GPC6: variants seen among roughly 807,000 people sequenced by gnomAD.
GPC6 encodes glypican 6.
Under a neutral mutation model 55.2 loss-of-function variants are expected in GPC6, and 14 were observed. The observed-to-expected ratio is 0.25, with a 90% confidence interval of 0.17 to 0.40. The LOEUF (loss-of-function observed/expected upper bound fraction) is 0.40. Among genes scored for constraint, GPC6 ranks in the 10% least tolerant of loss-of-function variants. The pLI is 1.00. For synonymous variants in GPC6, 278 were observed against 259.6 expected (o/e 1.07, Z -0.68); for missense variants, 641 against 708.5 (o/e 0.90, Z 1.08).
chr13:93,336,996 T>C (rs1160570299), intron 1 of GPC6, among the ~76,000 whole-genome samples: 1 of 152,210 alleles, frequency 6.6e-6, no homozygotes, highest in Non-Finnish European at 1.5e-5. Flanking sequence ...CATGTTAACT[T>C]TTATTTTAAT....
At chr13:94,149,185 A>G (rs903491489) in intron 4 of GPC6, among the ~76,000 whole-genome samples, 1 of 152,060 alleles carries the variant, frequency 6.6e-6, no homozygotes, top group Non-Finnish European at 1.5e-5. Flanking sequence ...AAATCCATGG[A>G]CAGTGTAAGT....
intron 1 of GPC6, among the ~76,000 whole-genome samples, chr13:93,374,107 T>C (rs1345172705): frequency 6.6e-6 from 1 of 152,194 alleles, no homozygotes; most frequent in Non-Finnish European, 1.5e-5. Flanking sequence ...ACATAGAGGT[T>C]CTGATTCAGT....
At chr13:93,570,952 C>T (rs778566617) in intron 2 of GPC6, among the ~76,000 whole-genome samples, 13 of 151,978 alleles carry the variant, frequency 8.6e-5, no homozygotes, top group African/African-American at 1.9e-4. Context: ...ATTGGTTTGA[C>T]GAGAGTCCTG....
intron 2 of GPC6, among the ~76,000 whole-genome samples, chr13:93,769,403 A>T (rs1008968541): frequency 3.3e-5 from 5 of 151,206 alleles, no homozygotes; most frequent in African/African-American, 1.2e-4. Context: ...TTTCAGAGAA[A>T]CACAAGCTGT....
At chr13:93,881,894 A>G (rs1875001937) in intron 3 of GPC6, among the ~76,000 whole-genome samples, 1 of 152,052 alleles carries the variant, frequency 6.6e-6, no homozygotes, top group African/African-American at 2.4e-5. Context: ...ACCCTAGGAC[A>G]CATACAATGT....
At chr13:93,231,540 T>A (rs185182269) in intron 1 of GPC6, among the ~76,000 whole-genome samples, 40 of 151,266 alleles carry the variant, frequency 2.6e-4, no homozygotes, top group African/African-American at 9.7e-4. Context: ...ATTCTCAATA[T>A]CACTTTGACT....
chr13:94,294,613 TC>T (rs1875222333), intron 5 of GPC6, among the ~76,000 whole-genome samples: 1 of 152,120 alleles, frequency 6.6e-6, no homozygotes, highest in South Asian at 2.1e-4. Context: ...ATTACAGGTT[TC>T]TTTTTCCAGC....
intron 1 of GPC6, among the ~76,000 whole-genome samples, chr13:93,505,409 T>A (rs920524825): frequency 5.3e-5 from 8 of 150,740 alleles, no homozygotes; most frequent in African/African-American, 2.0e-4. Context: ...TTAAAAACTC[T>A]CATTCTCTCT....
rs942720082 is a variant in GPC6, at chr13:94,072,326, G to A, written c.877+44432G>A. Among the ~76,000 whole-genome samples, 3 of 152,098 alleles carry A rather than the reference G, an allele frequency of 2.0e-5. No individual in the cohort carries two copies. In the East Asian group the frequency reaches 5.8e-4, roughly 29 times the overall value. On this transcript the variant is annotated intron_variant, in intron 4 of 8. Coordinates refer to ENST00000377047, the MANE Select transcript of GPC6 (RefSeq NM_005708.5). Reference sequence around the variant, plus strand: ...TACAATTTTTCCTACTCTTTGGGTGGCATGATAAAGCCCCTTGTTTTTTTG... The same window carrying A: ...TACAATTTTTCCTACTCTTTGGGTGACATGATAAAGCCCCTTGTTTTTTTG...
chr13:94,392,156 G>C (rs1880674132), intron 7 of GPC6, among the ~76,000 whole-genome samples: 2 of 151,976 alleles, frequency 1.3e-5, no homozygotes, highest in African/African-American at 4.8e-5. Context: ...AAAGATATCT[G>C]TATACTTCTC....
At chr13:94,079,364 T>A (rs1380539444) in intron 4 of GPC6, among the ~76,000 whole-genome samples, 1 of 152,058 alleles carries the variant, frequency 6.6e-6, no homozygotes, top group African/African-American at 2.4e-5. Context: ...ACAGTGATAT[T>A]TCAGAGATTT....
intron 4 of GPC6, among the ~76,000 whole-genome samples, chr13:94,136,997 G>A (rs1378150607): frequency 6.6e-6 from 1 of 152,194 alleles, no homozygotes; most frequent in Non-Finnish European, 1.5e-5. Flanking sequence ...CTCAATGACT[G>A]ATTGGATTTG....
At chr13:93,925,722 CT>C (rs1352895935) in intron 3 of GPC6, among the ~76,000 whole-genome samples, 2 of 152,188 alleles carry the variant, frequency 1.3e-5, no homozygotes, top group African/African-American at 4.8e-5. Flanking sequence ...GCTGTGAAGA[CT>C]TGTCTTTACT....
At chr13:93,877,594 T>C (rs1874665605) in intron 3 of GPC6, among the ~76,000 whole-genome samples, 1 of 152,100 alleles carries the variant, frequency 6.6e-6, no homozygotes, top group South Asian at 2.1e-4. Context: ...GATAGACTTG[T>C]CAATCCCTAA....
intron 4 of GPC6, among the ~76,000 whole-genome samples, chr13:94,095,251 A>G (rs1885618933): frequency 1.3e-5 from 2 of 152,134 alleles, no homozygotes; most frequent in South Asian, 2.1e-4. Flanking sequence ...TATAAAAAAG[A>G]GTAGTAGGAA....
intron 2 of GPC6, among the ~76,000 whole-genome samples, chr13:93,611,268 T>A (rs1418803987): frequency 2.0e-5 from 3 of 152,154 alleles, no homozygotes; most frequent in Non-Finnish European, 4.4e-5. Flanking sequence ...TATTGGAGAT[T>A]GTGGCATGTG....
intron 2 of GPC6, among the ~76,000 whole-genome samples, chr13:93,712,344 A>G (rs1883097769): frequency 6.6e-6 from 1 of 151,770 alleles, no homozygotes; most frequent in Non-Finnish European, 1.5e-5. Context: ...TATGAAATAT[A>G]AAACATTGAA....
chr13:93,446,066 A>ATT (rs1877984744), intron 1 of GPC6, among the ~76,000 whole-genome samples: 1 of 152,200 alleles, frequency 6.6e-6, no homozygotes, highest in Non-Finnish European at 1.5e-5. Context: ...GAATGATTGA[A>ATT]AGAAATCTTC....
chr13:93,793,308 ACT>A (rs1449589482), intron 2 of GPC6, among the ~76,000 whole-genome samples: 1 of 152,100 alleles, frequency 6.6e-6, no homozygotes, highest in Admixed American at 6.6e-5. Context: ...CCGGTTTTCC[ACT>A]CTCTGCTTCA....
Sources: gnomAD v4.1 joint callset for allele counts (sites outside exome capture counted in the v4.1 genomes callset) on GRCh38, gnomAD v4.1.1 for gene constraint, MANE v1.5 for transcripts, NCBI Gene and HGNC (gene_info 2026-07-23, HGNC 2026-07-21) for gene names.